Variants in CIROZ observed in about 807,000 individuals in gnomAD.
CIROZ encodes ciliated left-right organizer protein containing ZP-N domains.
chr1:10,952,834 C>T, the CIROZ span, among the ~76,000 whole-genome samples: 5 of 152,316 alleles, frequency 3.3e-5, no homozygotes, highest in Non-Finnish European at 7.3e-5. Context: ...TTTCTTATCT[C>T]CCCTTCCAGA....
chr1:10,957,544 C>A, the CIROZ span: 3 of 1,573,680 alleles, frequency 1.9e-6, no homozygotes, highest in Non-Finnish European at 8.6e-7. Flanking sequence ...GGAGGGGTGG[C>A]AACCTGCTCT....
chr1:10,960,687 G>C, the CIROZ span, among the ~76,000 whole-genome samples: 1 of 152,238 alleles, frequency 6.6e-6, no homozygotes, highest in East Asian at 1.9e-4. The surrounding 1 kb of genome is among the most constrained non-coding windows in gnomAD (Gnocchi z 4.6). Context: ...AGCAGGGCAC[G>C]GCTCGGGTAC....
the CIROZ span, chr1:10,958,663 A>G: frequency 5.6e-6 from 9 of 1,605,062 alleles, no homozygotes; most frequent in South Asian, 3.3e-5. Flanking sequence ...CACCAGTCCT[A>G]GCAGAAACTT....
At chr1:10,968,154 G>A in the CIROZ span, among the ~76,000 whole-genome samples, 34 of 149,324 alleles carry the variant, frequency 2.3e-4, no homozygotes, top group Admixed American at 1.4e-3. Context: ...GTGAGACTCC[G>A]TCTCAATAAA....
the CIROZ span, chr1:10,976,358 C>T: frequency 1.7e-5 from 13 of 787,356 alleles, no homozygotes; most frequent in Admixed American, 1.4e-4. Flanking sequence ...TTTTCTGAGA[C>T]GGAGTCTCGC....
the CIROZ span, among the ~76,000 whole-genome samples, chr1:10,960,888 A>T: frequency 1.4e-5 from 2 of 146,216 alleles, no homozygotes; most frequent in Non-Finnish European, 3.0e-5. This position sits in a 1 kb window ranked among gnomAD's most constrained non-coding sequence, Gnocchi z 4.6. Flanking sequence ...AGTCAATTCG[A>T]TGAGGTTCTC....
the CIROZ span, chr1:10,953,994 C>A: frequency 6.3e-7 from 1 of 1,597,928 alleles, no homozygotes; most frequent in South Asian, 1.1e-5. Flanking sequence ...TACCAGCAGT[C>A]ACACCCTCAT....
chr1:10,948,841 C>A, the CIROZ span: 1 of 1,487,502 alleles, frequency 6.7e-7, no homozygotes, highest in Non-Finnish European at 8.9e-7. Flanking sequence ...GGTCCAAGCC[C>A]CTTCTTCACC....
chr1:10,980,156 G>C, the CIROZ span, among the ~76,000 whole-genome samples: 1 of 152,252 alleles, frequency 6.6e-6, no homozygotes, highest in Admixed American at 6.5e-5. Flanking sequence ...TCGATTCCTG[G>C]GTGGGCAGAG....
At chr1:10,957,246 G>A in the CIROZ span, 1 of 670,782 alleles carries the variant, frequency 1.5e-6, no homozygotes, top group African/African-American at 1.8e-5. Context: ...CCCAGGTCAG[G>A]GATTATGGCG....
At chr1:10,964,967 C>T in the CIROZ span, among the ~76,000 whole-genome samples, 7 of 152,112 alleles carry the variant, frequency 4.6e-5, no homozygotes, top group Admixed American at 2.6e-4. Context: ...TCCCATTTTA[C>T]AGATGAGGCA....
chr1:10,950,120 G>A, the CIROZ span, among the ~76,000 whole-genome samples: 21,564 of 137,278 alleles, frequency 0.16, 2,151 homozygotes, highest in South Asian at 0.41. Context: ...TGCAACCTCC[G>A]CCTCCTGGGT....
chr1:10,958,728 T>C, the CIROZ span: 1 of 1,613,914 alleles, frequency 6.2e-7, no homozygotes, highest in African/African-American at 1.3e-5. Context: ...CTATTGTCCC[T>C]CCACAGGGGC....
At chr1:10,971,873 G>A in the CIROZ span, among the ~76,000 whole-genome samples, 1 of 152,170 alleles carries the variant, frequency 6.6e-6, no homozygotes. Flanking sequence ...TCCAGCAAAG[G>A]GCTGTGGCTG....
chr1:10,980,389 C>T, the CIROZ span, among the ~76,000 whole-genome samples: 7 of 152,384 alleles, frequency 4.6e-5, no homozygotes, highest in South Asian at 2.1e-4. Flanking sequence ...CATGGACGGC[C>T]GGGTACCCGC....
At chr1:10,954,844 C>T in the CIROZ span, 11 of 843,404 alleles carry the variant, frequency 1.3e-5, no homozygotes, top group African/African-American at 3.4e-5. Flanking sequence ...GCTCCGGCCT[C>T]GGCTTCCCAA....
At chr1:10,962,282 C>T in the CIROZ span, among the ~76,000 whole-genome samples, 1 of 151,934 alleles carries the variant, frequency 6.6e-6, no homozygotes, top group Non-Finnish European at 1.5e-5. Context: ...CCCGTCTCTA[C>T]CAAAAATATA....
the CIROZ span, among the ~76,000 whole-genome samples, chr1:10,955,844 CAAAAA>C: frequency 3.0e-5 from 3 of 98,438 alleles, no homozygotes; most frequent in South Asian, 3.2e-4. Flanking sequence ...AACTCCATCT[CAAAAA>C]AAAAAAAAAA....
the CIROZ span, among the ~76,000 whole-genome samples, chr1:10,960,600 A>G: frequency 2.0e-5 from 3 of 152,242 alleles, no homozygotes; most frequent in African/African-American, 7.2e-5. This position sits in a 1 kb window ranked among gnomAD's most constrained non-coding sequence, Gnocchi z 4.6. Context: ...CACTTAACCC[A>G]GGGCAATGAA....
Sources: allele counts gnomAD v4.1 joint callset (sites outside exome capture counted in the v4.1 genomes callset), GRCh38; gene constraint gnomAD v4.1.1; non-coding constraint Gnocchi (gnomAD v3.1); transcripts MANE v1.5; gene names NCBI Gene and HGNC (gene_info 2026-07-23, HGNC 2026-07-21).